KATNAL1: variants seen among roughly 807,000 people sequenced by gnomAD.
KATNAL1 encodes katanin catalytic subunit A1 like 1, also known as katanin p60 ATPase-containing subunit A-like 1.
Under a neutral mutation model 55.2 loss-of-function variants are expected in KATNAL1, and 32 were observed. The observed-to-expected ratio is 0.58, with a 90% CI of 0.44 to 0.78. KATNAL1 has a LOEUF of 0.78. Among genes scored for constraint, KATNAL1 ranks in the 30% least tolerant of loss-of-function variants. The probability of loss-of-function intolerance (pLI) is 0.00; values close to 1 mark genes in which losing one functional copy is unlikely to be tolerated. For synonymous variants in KATNAL1, 193 were observed against 193.6 expected, an observed-to-expected ratio of 1.00 and a Z score of 0.02; for missense variants, 466 against 600.9, an observed-to-expected ratio of 0.78 and a Z score of 2.35.
intron 4 of KATNAL1, among the ~76,000 whole-genome samples, chr13:30,252,465 T>TA (rs1324290562): frequency 3.3e-5 from 5 of 152,320 alleles, no homozygotes; most frequent in African/African-American, 1.2e-4. Flanking sequence ...AGTACATAGT[T>TA]AGAGTGCTGC....
chr13:30,295,320 T>G (rs2068318649), intron 1 of KATNAL1, among the ~76,000 whole-genome samples: 1 of 152,182 alleles, frequency 6.6e-6, no homozygotes, highest in Non-Finnish European at 1.5e-5. Flanking sequence ...ACAGGAGTGT[T>G]ACAGAAATTG....
intron 3 of KATNAL1, among the ~76,000 whole-genome samples, chr13:30,270,104 C>A (rs1330834432): frequency 2.9e-5 from 4 of 137,998 alleles, no homozygotes; most frequent in Admixed American, 1.4e-4. Context: ...CGGCCAGCCG[C>A]CCCGTCCGGG....
At chr13:30,245,074 T>C (rs1361291940) in intron 4 of KATNAL1, among the ~76,000 whole-genome samples, 1 of 150,740 alleles carries the variant, frequency 6.6e-6, no homozygotes, top group Non-Finnish European at 1.5e-5. Context: ...CTCTTCCTGA[T>C]ACCAAAACCT....
chr13:30,281,092 C>T (rs542534759), intron 2 of KATNAL1, among the ~76,000 whole-genome samples: 1 of 138,706 alleles, frequency 7.2e-6, no homozygotes, highest in South Asian at 2.2e-4. Context: ...TCCTGCACTC[C>T]AGCCTGGGCA....
At chr13:30,226,802 C>T (rs9506277) in intron 9 of KATNAL1, among the ~76,000 whole-genome samples, 163 of 152,260 alleles carry the variant, frequency 1.1e-3, no homozygotes, top group Non-Finnish European at 1.8e-3. Flanking sequence ...CCAGGCTGGG[C>T]GTGGTGGTTC....
In KATNAL1 at chr13:30,302,611, C is replaced by T. The variant is rs540579585; in HGVS notation, c.-15+4720G>A. ...AAAGGAACAACTTATTGAAATACAG[C>T]AAATGAAGTTATATTGTTTGTCCCT... On this transcript the variant is annotated intron_variant, in intron 1 of 10. Coordinates refer to ENST00000380615, the MANE Select transcript of KATNAL1 (RefSeq NM_032116.5). Among the ~76,000 whole-genome samples the T allele has an allele frequency of 1.5e-4, 23 of 152,202 alleles. 1 individual carries two copies. The South Asian group carries it at 4.8e-3, about 32-fold the overall frequency.
At chr13:30,270,388 C>T (rs1880231322) in intron 3 of KATNAL1, among the ~76,000 whole-genome samples, 1 of 151,960 alleles carries the variant, frequency 6.6e-6, no homozygotes, top group Non-Finnish European at 1.5e-5. Flanking sequence ...GTGAGGAGCC[C>T]CTCTGCCCGG....
chr13:30,231,142 C>T (rs1021038692), intron 7 of KATNAL1, among the ~76,000 whole-genome samples, 172 bp downstream of exon 7: 3 of 152,184 alleles, frequency 2.0e-5, no homozygotes, highest in Non-Finnish European at 1.5e-5. Flanking sequence ...ACTGAAGATA[C>T]ACCAACTACC....
chr13:30,231,223 T>C, intron 7 of KATNAL1, 91 bp downstream of exon 7: 2 of 1,040,498 alleles, frequency 1.9e-6, no homozygotes, highest in Non-Finnish European at 2.7e-6. Flanking sequence ...ACTGCCCTTT[T>C]CAAAAAAGAT....
chr13:30,300,607 A>C (rs1380441278), intron 1 of KATNAL1, among the ~76,000 whole-genome samples: 1 of 152,220 alleles, frequency 6.6e-6, no homozygotes, highest in Non-Finnish European at 1.5e-5. Context: ...AAGGAAACAC[A>C]TAACCATGAC....
At position 30,203,075 on chromosome 13, in the gene KATNAL1, A is replaced by T. The variant is rs1872827076; in HGVS notation, c.*5465T>A. On this transcript the variant is annotated 3_prime_UTR_variant, in exon 11 of 11. Coordinates refer to ENST00000380615, the MANE Select transcript of KATNAL1 (RefSeq NM_032116.5). ...TGTCATCAGGTTAGTTTGTATTTAC[A>T]AAACTCTAAGAAAATAGATGTGTGT... 1 of 152,246 alleles carries T rather than the reference A, an allele frequency of 6.6e-6. No homozygotes were observed. The highest frequency in any genetic ancestry group is 6.5e-5 in the Admixed American group (1 of 15,284). 9.4% of individuals were successfully genotyped at this position (152,246 alleles called of 1,614,324 possible).
At chr13:30,218,111 G>A (rs1279566939) in intron 9 of KATNAL1, among the ~76,000 whole-genome samples, 1 of 151,694 alleles carries the variant, frequency 6.6e-6, no homozygotes, top group Non-Finnish European at 1.5e-5. Context: ...GCAGCAGAAT[G>A]GGGGAAAAAG....
Position 30,205,028 on chromosome 13 carries a change from T to A in KATNAL1, c.*3512A>T, listed in dbSNP as rs1375594353. On this transcript the variant is annotated 3_prime_UTR_variant, in exon 11 of 11. Transcript: ENST00000380615. ...GGGCAAAAGGTTTATAGTAAACATG[T>A]CATGCTTATAATAAACAGGCAGCTT... The A allele has an allele frequency of 6.6e-6, 1 of 152,224 alleles. No individual in the cohort carries two copies. Among genetic ancestry groups the A allele is most frequent in the Non-Finnish European group, 1.5e-5 (1 of 68,040 alleles). The allele number at this position is 152,224 out of a possible 1,614,324, so 9.4% of individuals were successfully genotyped here.
At chr13:30,230,840 T>C (rs574410560) in intron 7 of KATNAL1, among the ~76,000 whole-genome samples, 2 of 152,334 alleles carry the variant, frequency 1.3e-5, no homozygotes, top group Admixed American at 6.5e-5. Context: ...CTATGCTTTC[T>C]ACTTTCATAT....
intron 3 of KATNAL1, among the ~76,000 whole-genome samples, chr13:30,257,165 CTGTTT>C: frequency 6.6e-6 from 1 of 150,974 alleles, no homozygotes; most frequent in African/African-American, 2.4e-5. Context: ...AATGTGACCA[CTGTTT>C]TTTGACCTAA....
intron 9 of KATNAL1, among the ~76,000 whole-genome samples, chr13:30,218,227 T>TATATATATATATATATATATAA (rs1555258842): frequency 2.1e-4 from 30 of 145,300 alleles, no homozygotes; most frequent in African/African-American, 6.6e-4. Flanking sequence ...TATATATATA[T>TATATATATATATATATATATAA]AAAGGACCTG....
intron 9 of KATNAL1, among the ~76,000 whole-genome samples, chr13:30,220,542 G>C (rs541855971): frequency 6.6e-6 from 1 of 152,074 alleles, no homozygotes; most frequent in Non-Finnish European, 1.5e-5. Context: ...GGAAAAAAAC[G>C]CTCGAATTTC....
intron 3 of KATNAL1, among the ~76,000 whole-genome samples, chr13:30,278,222 C>T (rs1331750117): frequency 1.3e-5 from 2 of 148,460 alleles, no homozygotes; most frequent in Non-Finnish European, 3.0e-5. Flanking sequence ...CTTTTTTTTT[C>T]CAGACAATAT....
chr13:30,218,234 C>A (rs1297572621), intron 9 of KATNAL1, among the ~76,000 whole-genome samples: 2 of 109,664 alleles, frequency 1.8e-5, no homozygotes, highest in African/African-American at 7.0e-5. Flanking sequence ...ATATAAAGGA[C>A]CTGACCCTGA....
Sources: gnomAD v4.1 joint callset for allele counts (sites outside exome capture counted in the v4.1 genomes callset) on GRCh38, gnomAD v4.1.1 for gene constraint, MANE v1.5 for transcripts, NCBI Gene and HGNC (gene_info 2026-07-23, HGNC 2026-07-21) for gene names.